Variants in PDE4D observed in about 807,000 individuals in gnomAD.
The protein encoded by PDE4D is 3',5'-cyclic-AMP phosphodiesterase 4D.
A neutral mutation model predicts 87.4 loss-of-function variants in PDE4D; 24 were observed. The observed-to-expected ratio is 0.27, with a 90% CI of 0.20 to 0.39. PDE4D has a LOEUF of 0.39. Among genes scored for constraint, PDE4D ranks in the 10% least tolerant of loss-of-function variants. The pLI, the probability that PDE4D is intolerant of heterozygous loss-of-function variation, is 1.00. For synonymous variants in PDE4D, 384 were observed against 383.2 expected (o/e 1.00, Z -0.02); for missense variants, 714 against 1,041.0 (o/e 0.69, Z 4.32).
chr5:59,833,049 G>A (rs962503021), intron 1 of PDE4D, among the ~76,000 whole-genome samples: 2 of 152,030 alleles, frequency 1.3e-5, no homozygotes, highest in East Asian at 3.9e-4. Context: ...GTTAAACTGG[G>A]AAACAAACAG....
intron 1 of PDE4D, among the ~76,000 whole-genome samples, chr5:60,399,517 C>G (rs938200975): frequency 4.6e-5 from 7 of 152,206 alleles, no homozygotes; most frequent in Admixed American, 3.9e-4. Context: ...TAGCCAGATT[C>G]TTTCTTTTTC....
chr5:59,437,839 T>C (rs1464241979), intron 1 of PDE4D, among the ~76,000 whole-genome samples: 1 of 152,206 alleles, frequency 6.6e-6, no homozygotes, highest in African/African-American at 2.4e-5. Context: ...CATGCTGCTA[T>C]GAAGAAATGC....
chr5:59,232,827 TACAC>T lies in PDE4D; in HGVS notation c.456-16863_456-16860del, dbSNP rs750492331. ...GAGAAAATACATATATATATATATA[TACAC>T]ACACACATACACATACAATGGAATA... On this transcript the variant is annotated intron_variant, in intron 1 of 14. Coordinates refer to ENST00000340635, the MANE Select transcript of PDE4D (RefSeq NM_001104631.2). Among the ~76,000 whole-genome samples the T allele has an allele frequency of 5.1e-3, 511 of 100,036 alleles. 5 individuals are homozygous for T. The highest frequency in any genetic ancestry group is 0.019 in the African/African-American group (481 of 24,722). The allele number at this position is 100,036 out of a possible 152,430, so 65.6% of individuals were successfully genotyped here. A position where few individuals can be genotyped will look rare whatever the true frequency, so the allele number is the denominator to read the frequency against.
At chr5:59,140,843 A>C (rs1298957223) in intron 5 of PDE4D, among the ~76,000 whole-genome samples, 1 of 151,972 alleles carries the variant, frequency 6.6e-6, no homozygotes, top group Non-Finnish European at 1.5e-5. Context: ...AAAGGTTAAC[A>C]ATGTTACATC....
chr5:59,472,615 A>G (rs894977577), intron 1 of PDE4D, among the ~76,000 whole-genome samples: 5 of 152,154 alleles, frequency 3.3e-5, no homozygotes, highest in Non-Finnish European at 5.9e-5. Flanking sequence ...AATTTTATGA[A>G]TTGATTTGAC....
chr5:59,429,236 T>G (rs114948135), intron 1 of PDE4D, among the ~76,000 whole-genome samples: 1 of 152,194 alleles, frequency 6.6e-6, no homozygotes, highest in African/African-American at 2.4e-5. Context: ...CTGAGCCATG[T>G]TGGGTGTCTT....
At chr5:59,860,393 T>C (rs1746078875) in intron 1 of PDE4D, among the ~76,000 whole-genome samples, 1 of 152,232 alleles carries the variant, frequency 6.6e-6, no homozygotes, top group Admixed American at 6.5e-5. Context: ...ATAGGTAGTC[T>C]TCACCTTGTT....
chr5:59,260,844 G>A (rs568378023), intron 1 of PDE4D, among the ~76,000 whole-genome samples: 121 of 150,722 alleles, frequency 8.0e-4, no homozygotes, highest in African/African-American at 2.7e-3. Flanking sequence ...TATAAGTAAC[G>A]TTTATAAAGC....
chr5:59,218,549 G>C (rs939262040), intron 1 of PDE4D, among the ~76,000 whole-genome samples: 2 of 152,062 alleles, frequency 1.3e-5, no homozygotes, highest in South Asian at 2.1e-4. Context: ...GGAAGTGCTT[G>C]ATATGAGATA....
intron 5 of PDE4D, among the ~76,000 whole-genome samples, chr5:59,042,450 T>C (rs1759841171): frequency 6.6e-6 from 1 of 152,228 alleles, no homozygotes; most frequent in Non-Finnish European, 1.5e-5. Context: ...AGTTTAATTT[T>C]GGCTTTTACC....
chr5:60,108,929 C>A (rs1216304056), intron 2 of PDE4D, among the ~76,000 whole-genome samples: 1 of 152,156 alleles, frequency 6.6e-6, no homozygotes. Context: ...CTAGGCATTA[C>A]CATTCAGGAC....
In PDE4D at chr5:59,618,302, A is replaced by G. The variant is rs7710565; in HGVS notation, c.455+274866T>C. On this transcript the variant is annotated intron_variant, in intron 1 of 14. Coordinates refer to ENST00000340635, the MANE Select transcript of PDE4D (RefSeq NM_001104631.2). ...GAACATGAGGAGGAGTTACCTTGAC[A>G]GGAATGGAAGATGTAAGACCTGAGC... is the stretch of plus-strand genomic sequence containing the variant. Among the ~76,000 whole-genome samples, 979 of 152,244 alleles carry G rather than the reference A, an allele frequency of 6.4e-3. 8 individuals carry two copies. Among genetic ancestry groups the G allele is most frequent in the African/African-American group, 0.021 (856 of 41,556 alleles).
At chr5:59,773,112 T>TA (rs1763741046) in intron 1 of PDE4D, among the ~76,000 whole-genome samples, 1 of 152,188 alleles carries the variant, frequency 6.6e-6, no homozygotes, top group Non-Finnish European at 1.5e-5. Context: ...ATGAGGAACT[T>TA]AGAGAAATTC....
chr5:60,206,427 A>C (rs1037131976), intron 1 of PDE4D, among the ~76,000 whole-genome samples: 1 of 152,220 alleles, frequency 6.6e-6, no homozygotes, highest in African/African-American at 2.4e-5. Flanking sequence ...CAATATACCC[A>C]AAATTTCCCA....
intron 1 of PDE4D, among the ~76,000 whole-genome samples, chr5:60,407,800 C>A (rs1179337137): frequency 6.6e-6 from 1 of 152,006 alleles, no homozygotes; most frequent in Non-Finnish European, 1.5e-5. Flanking sequence ...TTTGCACCAA[C>A]CTAATATTAG....
intron 1 of PDE4D, among the ~76,000 whole-genome samples, chr5:59,349,614 CATAA>C (rs888002230): frequency 1.3e-5 from 2 of 152,054 alleles, no homozygotes; most frequent in African/African-American, 4.8e-5. Flanking sequence ...ACTAATTAAG[CATAA>C]ATATTCATAC....
At chr5:59,068,255 A>C (rs1764222956) in intron 5 of PDE4D, among the ~76,000 whole-genome samples, 1 of 152,194 alleles carries the variant, frequency 6.6e-6, no homozygotes, top group African/African-American at 2.4e-5. Context: ...ATGATTGTTG[A>C]TATTGGTAGT....
intron 1 of PDE4D, among the ~76,000 whole-genome samples, chr5:59,843,754 A>T (rs1743408936): frequency 6.6e-6 from 1 of 152,046 alleles, no homozygotes; most frequent in African/African-American, 2.4e-5. Context: ...CTTCAAGTCC[A>T]CTGGGTGCTT....
chr5:60,459,846 C>A, intron 1 of PDE4D: 1 of 602,266 alleles, frequency 1.7e-6, no homozygotes, highest in South Asian at 2.0e-5. Flanking sequence ...TATCAGTGTT[C>A]TAGTAATCTT....
Sources: gnomAD v4.1 joint callset for allele counts (sites outside exome capture counted in the v4.1 genomes callset) on GRCh38, gnomAD v4.1.1 for gene constraint, MANE v1.5 for transcripts, NCBI Gene and HGNC (gene_info 2026-07-23, HGNC 2026-07-21) for gene names.